PLPPR5: variants seen among roughly 807,000 people sequenced by gnomAD.
The protein encoded by PLPPR5 is phospholipid phosphatase-related protein type 5.
Under a neutral mutation model 33.9 loss-of-function variants are expected in PLPPR5, and 16 were observed. The ratio of observed to expected loss-of-function variants is 0.47; its 90% CI spans 0.32 to 0.72. The LOEUF (loss-of-function observed/expected upper bound fraction) is 0.72. Among genes scored for constraint, PLPPR5 ranks in the 30% least tolerant of loss-of-function variants. The probability of loss-of-function intolerance (pLI) is 0.03; values close to 1 mark genes in which losing one functional copy is unlikely to be tolerated. For missense variants in PLPPR5, 301 were observed against 406.7 expected, an observed-to-expected ratio of 0.74 and a Z score of 2.23; for synonymous variants, 163 against 150.3, an observed-to-expected ratio of 1.08 and a Z score of -0.62.
intron 1 of PLPPR5, among the ~76,000 whole-genome samples, chr1:98,977,855 GA>G (rs1039348922): frequency 2.6e-5 from 4 of 151,714 alleles, no homozygotes; most frequent in African/African-American, 9.7e-5. Flanking sequence ...TGGCGCTTTA[GA>G]AAAGAAGGTT....
chr1:98,996,388 A>T (rs1652633294), intron 1 of PLPPR5, among the ~76,000 whole-genome samples: 1 of 151,826 alleles, frequency 6.6e-6, no homozygotes, highest in African/African-American at 2.4e-5. Context: ...GGAGAATAAA[A>T]CTCTAGAGTC....
chr1:98,932,274 TGA>T (rs1418310087), intron 3 of PLPPR5, among the ~76,000 whole-genome samples: 3 of 152,242 alleles, frequency 2.0e-5, no homozygotes, highest in Non-Finnish European at 4.4e-5. Flanking sequence ...TTTTGAAGGC[TGA>T]GTTAGATACC....
At chr1:98,927,937 A>T (rs913596450) in intron 3 of PLPPR5, among the ~76,000 whole-genome samples, 1 of 151,958 alleles carries the variant, frequency 6.6e-6, no homozygotes, top group African/African-American at 2.4e-5. Context: ...AATTATAATT[A>T]TATTTTATGC....
Position 98,953,348 on chromosome 1 carries a change from T to C in PLPPR5, c.371-28A>G, listed in dbSNP as rs184126447. 4.9e-4 allele frequency: 771 copies of C among 1,586,614 alleles called. 2 individuals carry two copies. In the African/African-American group the frequency reaches 0.011, roughly 22 times the overall value. ...GGGGAAGAAAACAAATAATTTTAAC[T>C]TCTTGCTTGTGTGTGTGTGTGTGTG... On this transcript the variant is annotated intron_variant, in intron 2 of 5. Coordinates refer to ENST00000263177, the MANE Select transcript of PLPPR5 (RefSeq NM_001037317.2).
chr1:98,912,403 G>A (rs76076580), intron 5 of PLPPR5, among the ~76,000 whole-genome samples: 2,055 of 152,222 alleles, frequency 0.013, 18 homozygotes, highest in Middle Eastern at 0.017. Context: ...AATCTGCTCC[G>A]TAAGCTCATC....
chr1:98,941,846 G>C (rs553800932), intron 3 of PLPPR5, among the ~76,000 whole-genome samples: 13 of 150,680 alleles, frequency 8.6e-5, no homozygotes, highest in African/African-American at 1.9e-4. Context: ...CAAACAAATA[G>C]CTCAAAGCAG....
chr1:98,892,916 G>C lies in PLPPR5; in HGVS notation c.*156C>G, dbSNP rs1648327945. 6.9e-6 allele frequency: 5 copies of C among 724,592 alleles called. No homozygotes were observed. The South Asian group carries it at 9.0e-5, about 13-fold the overall frequency. 44.9% of individuals were successfully genotyped at this position (724,592 alleles called of 1,614,324 possible). A position where few individuals can be genotyped will look rare whatever the true frequency, so the allele number is the denominator to read the frequency against. On this transcript the variant is annotated 3_prime_UTR_variant, in exon 6 of 6. Transcript: ENST00000263177. The stretch of plus-strand genomic sequence containing the variant: ...CTGCCCTCGAGGAGCTCACAGTCTA[G>C]TGGGGGAAACAGATAGGTTGACATT...
Position 98,893,618 on chromosome 1 carries a change from C to CTTTTTTTTTTT in PLPPR5, c.934-525_934-515dup, listed in dbSNP as rs58092144. Among the ~76,000 whole-genome samples, 112 of 90,084 alleles carry CTTTTTTTTTTT rather than the reference C, an allele frequency of 1.2e-3. 3 individuals carry two copies. The highest frequency in any genetic ancestry group is 4.3e-3 in the African/African-American group (105 of 24,528). 59.1% of individuals were successfully genotyped at this position (90,084 alleles called of 152,430 possible). A position where few individuals can be genotyped will look rare whatever the true frequency, so the allele number is the denominator to read the frequency against. On this transcript the variant is annotated intron_variant, in intron 5 of 5. Transcript: ENST00000263177. ...TCTACCACAGAATTCTTCACAGCGC[C>CTTTTTTTTTTT]TTTTTTTTTTTTTTTTTTTTTTGGG...
intron 3 of PLPPR5, among the ~76,000 whole-genome samples, chr1:98,935,437 G>A (rs987964050): frequency 6.6e-6 from 1 of 152,104 alleles, no homozygotes; most frequent in Non-Finnish European, 1.5e-5. Context: ...TAATACGACT[G>A]TTCACCTTTA....
intron 3 of PLPPR5, among the ~76,000 whole-genome samples, chr1:98,946,788 C>G (rs183366026): frequency 2.9e-3 from 446 of 152,258 alleles, no homozygotes; most frequent in Middle Eastern, 0.02. Context: ...AGCACAGTAC[C>G]TAGGGCCCAT....
intron 3 of PLPPR5, among the ~76,000 whole-genome samples, chr1:98,926,683 T>A (rs182160654): frequency 2.6e-5 from 4 of 152,200 alleles, no homozygotes; most frequent in African/African-American, 9.6e-5. Flanking sequence ...TTTTGAACTT[T>A]TATGCTGGCA....
intron 5 of PLPPR5, among the ~76,000 whole-genome samples, chr1:98,909,237 T>TTCCCTCCCTTCCCCTCCCTTCCCCC (rs1417123508): frequency 2.0e-5 from 2 of 102,050 alleles, no homozygotes; most frequent in East Asian, 6.9e-4. Context: ...TCCCTTCCCT[T>TTCCCTCCCTTCCCCTCCCTTCCCCC]TCCCTCCCTT....
chr1:98,902,692 T>G (rs1375144624), intron 5 of PLPPR5, among the ~76,000 whole-genome samples: 1 of 152,112 alleles, frequency 6.6e-6, no homozygotes, highest in Non-Finnish European at 1.5e-5. Flanking sequence ...AAGAGGGAGA[T>G]GAACGGCTGG....
At chr1:98,970,428 A>T (rs896766395) in intron 1 of PLPPR5, among the ~76,000 whole-genome samples, 1 of 152,038 alleles carries the variant, frequency 6.6e-6, no homozygotes, top group Non-Finnish European at 1.5e-5. Context: ...TATGCAAGCC[A>T]ATTTAAGGGT....
At chr1:98,920,982 T>C (rs1649532684) in intron 4 of PLPPR5, among the ~76,000 whole-genome samples, 1 of 152,168 alleles carries the variant, frequency 6.6e-6, no homozygotes, top group Non-Finnish European at 1.5e-5. Context: ...ACTTATAAAA[T>C]GTTATACACT....
intron 1 of PLPPR5, among the ~76,000 whole-genome samples, chr1:98,971,296 C>T (rs1651648482): frequency 1.3e-5 from 2 of 152,092 alleles, no homozygotes; most frequent in East Asian, 1.9e-4. Flanking sequence ...ATTCATATTA[C>T]ATCTCAAAGC....
chr1:98,954,480 T>C (rs1374581902), intron 2 of PLPPR5, among the ~76,000 whole-genome samples: 2 of 152,154 alleles, frequency 1.3e-5, no homozygotes, highest in Non-Finnish European at 2.9e-5. Context: ...GGCTGTTGTA[T>C]AGTATATCAC....
intron 3 of PLPPR5, among the ~76,000 whole-genome samples, chr1:98,924,428 A>AT (rs1187666830): frequency 6.6e-6 from 1 of 152,196 alleles, no homozygotes; most frequent in Non-Finnish European, 1.5e-5. Context: ...GCCAATGAGC[A>AT]TAAGTTGAGT....
chr1:98,981,058 A>G (rs1652044537), intron 1 of PLPPR5, among the ~76,000 whole-genome samples: 1 of 152,076 alleles, frequency 6.6e-6, no homozygotes, highest in African/African-American at 2.4e-5. Flanking sequence ...GCTGAGATCC[A>G]TGTGCTAAAT....
Sources: gnomAD v4.1 joint callset for allele counts (sites outside exome capture counted in the v4.1 genomes callset) on GRCh38, gnomAD v4.1.1 for gene constraint, MANE v1.5 for transcripts, NCBI Gene and HGNC (gene_info 2026-07-23, HGNC 2026-07-21) for gene names.